The following ZNF587B variants were observed in gnomAD, a reference collection of about 807,000 sequenced individuals.
ZNF587B encodes the protein zinc finger protein 587B.
A neutral mutation model predicts 7.2 loss-of-function variants in ZNF587B; 6 were observed. That is an observed-to-expected ratio of 0.83 (90% CI 0.46 to 1.65). The LOEUF (loss-of-function observed/expected upper bound fraction) is 1.65, where lower values mean the gene tolerates loss of function less well. Ranked by LOEUF, ZNF587B falls within the 40% of genes most tolerant of loss-of-function variation. The pLI is 0.01. For missense variants in ZNF587B, 749 were observed against 761.0 expected (o/e 0.98, Z 0.19); for synonymous variants, 274 against 254.3 (o/e 1.08, Z -0.74).
At position 57,843,587 on chromosome 19, in the gene ZNF587B, G is replaced by GTTTTTTTTTTTTTTTTTTTTTTTTTTT. The variant is rs1324065807; in HGVS notation, c.*1013_*1014insTTTTTTTTTTTTTTTTTTTTTTTTTTT. ...GTTTGGTTGGTTGGTTGGTTGGTTG[G>GTTTTTTTTTTTTTTTTTTTTTTTTTTT]TTGTTTTTTTTTGTTTTTTTTTTTT... is the stretch of plus-strand genomic sequence containing the variant. On this transcript the variant is annotated 3_prime_UTR_variant, in exon 3 of 3. Transcript: ENST00000594901. The GTTTTTTTTTTTTTTTTTTTTTTTTTTT allele has an allele frequency of 5.0e-5, 37 of 738,174 alleles. 2 individuals are homozygous for GTTTTTTTTTTTTTTTTTTTTTTTTTTT. The highest frequency in any genetic ancestry group is 1.7e-4 in the Admixed American group (2 of 11,534). The allele number at this position is 738,174 out of a possible 1,614,324, so 45.7% of individuals were successfully genotyped here.
In ZNF587B at chr19:57,839,045, T is replaced by C. The variant is rs550387438; in HGVS notation, c.59T>C (p.Val20Ala). ...CAGGGCACAGTGACTTTTGAAGACGTGGCTGTGAAATTTACCCAGGAGGAA... is the reference window on the plus strand; with the variant it reads ...CAGGGCACAGTGACTTTTGAAGACGCGGCTGTGAAATTTACCCAGGAGGAA... Reference protein sequence around the residue: ...SAQGTVTFEDVAVKFTQEEWN... With the variant: ...SAQGTVTFEDAAVKFTQEEWN... Residue 20 changes from valine to alanine, a missense_variant, in exon 2 of 3, where the codon GTG becomes GCG. Val to Ala is a moderately conservative substitution (Grantham distance 64). Coordinates refer to ENST00000594901, the MANE Select transcript of ZNF587B (RefSeq NM_001376223.1). 6 of 1,614,142 alleles carry C rather than the reference T, an allele frequency of 3.7e-6. No homozygotes were observed. The highest frequency in any genetic ancestry group is 5.1e-6 in the Non-Finnish European group (6 of 1,180,008).
intron 1 of ZNF587B, among the ~76,000 whole-genome samples, chr19:57,837,202 C>T (rs35805032): frequency 0.14 from 21,448 of 152,040 alleles, 1,707 homozygotes; most frequent in East Asian, 0.19. Context: ...ATCCAACCCC[C>T]ATGTGGCTCT....
chr19:57,836,837 T>C (rs1023497654), intron 1 of ZNF587B, among the ~76,000 whole-genome samples: 2 of 151,544 alleles, frequency 1.3e-5, no homozygotes, highest in African/African-American at 4.9e-5. Flanking sequence ...GGTGGTACAC[T>C]CATGTAATCC....
rs560139358 is a variant in ZNF587B, at chr19:57,841,298, G to T, written c.624G>T (p.Gln208His). The T allele has an allele frequency of 6.2e-7, 1 of 1,613,896 alleles. No homozygotes were observed. Among genetic ancestry groups the T allele is most frequent in the Non-Finnish European group, 8.5e-7 (1 of 1,179,904 alleles). The stretch of plus-strand genomic sequence containing the variant: ...AAACTGAGTGTGTGTCTCCCTTTCA[G>T]TGTGGGGGAGCTCACTATAGCCATG... Reference protein sequence around the residue: ...NSKTECVSPFQCGGAHYSHGD... With the variant: ...NSKTECVSPFHCGGAHYSHGD... Residue 208 changes from glutamine (Q) to histidine (H), a missense_variant, in exon 3 of 3, where the codon CAG (glutamine) becomes CAT (histidine). Coordinates refer to ENST00000594901, the MANE Select transcript of ZNF587B (RefSeq NM_001376223.1).
chr19:57,830,375 G>T lies in ZNF587B; in HGVS notation c.-154G>T. On this transcript the variant is annotated 5_prime_UTR_variant, in exon 1 of 3. Coordinates refer to ENST00000594901, the MANE Select transcript of ZNF587B (RefSeq NM_001376223.1). Reference sequence around the variant, plus strand: ...CTGCGGTGACTGAACCCAGAAGGCGGAGAACAGTTGTCCTCTGCTGCACAG... The same window carrying T: ...CTGCGGTGACTGAACCCAGAAGGCGTAGAACAGTTGTCCTCTGCTGCACAG... 1 of 734,072 alleles carries T rather than the reference G, an allele frequency of 1.4e-6. No homozygotes were observed. The highest frequency in any genetic ancestry group is 1.8e-5 in the South Asian group (1 of 54,676). The allele number at this position is 734,072 out of a possible 1,614,324, so 45.5% of individuals were successfully genotyped here.
Position 57,842,149 on chromosome 19 carries a change from A to G in ZNF587B, c.1475A>G (p.Lys492Arg). The G allele has an allele frequency of 1.2e-6, 2 of 1,612,746 alleles. No individual in the cohort carries two copies. The highest frequency in any genetic ancestry group is 1.7e-6 in the Non-Finnish European group (2 of 1,179,370). Residue 492 changes from lysine to arginine, a missense_variant, in exon 3 of 3, where the codon AAG becomes AGG. Physicochemically the swap from Lys to Arg is conservative, Grantham distance 26 (BLOSUM62 2). Around this residue, in one of 3 missense-constraint regions of ZNF587B, gnomAD observed 656 missense variants for 596.5 expected, o/e 1.10. Transcript: ENST00000594901. The part of the protein sequence containing the change: ...LVHQRIHSGE[K>R]PYACEACQKF... Reference sequence around the variant, plus strand: ...CACCAGAGAATTCACAGTGGAGAGAAGCCATATGCTTGTGAGGCTTGTCAG... The same window carrying G: ...CACCAGAGAATTCACAGTGGAGAGAGGCCATATGCTTGTGAGGCTTGTCAG...
Position 57,841,613 on chromosome 19 carries a change from T to G in ZNF587B, c.939T>G (p.Leu313=), listed in dbSNP as rs758356624. 1.9e-6 allele frequency: 3 copies of G among 1,585,382 alleles called. No homozygotes were observed. Among genetic ancestry groups the G allele is most frequent in the African/African-American group, 1.4e-5 (1 of 74,030 alleles). ...CGKYFSLEGY[L]RRHQKVHAGK... The stretch of plus-strand genomic sequence containing the variant: ...AATATTTTAGCTTAGAAGGATATCT[T>G]AGGCGCCATCAAAAAGTTCACGCTG... The change falls in exon 3 of 3, where the codon CTT becomes CTG. Residue 313 remains leucine, a synonymous_variant. Transcript: ENST00000594901.
chr19:57,834,869 G>C (rs1200472084), intron 1 of ZNF587B, among the ~76,000 whole-genome samples: 2 of 134,076 alleles, frequency 1.5e-5, no homozygotes, highest in South Asian at 4.9e-4. Context: ...AAAAAAAAAG[G>C]TGTTCTGTTA....
In ZNF587B at chr19:57,843,528, C is replaced by G; in HGVS notation, c.*952C>G. ...TTCTAGAAGTATATTTTGGTTGTCT[C>G]CCATTCACGAGAGATTTTTTTTTTA... On this transcript the variant is annotated 3_prime_UTR_variant, in exon 3 of 3. Transcript: ENST00000594901. 1 of 983,832 alleles carries G rather than the reference C, an allele frequency of 1.0e-6. No individual in the cohort carries two copies. Among genetic ancestry groups the G allele is most frequent in the Non-Finnish European group, 1.2e-6 (1 of 829,756 alleles). The allele number at this position is 983,832 out of a possible 1,614,324, so 60.9% of individuals were successfully genotyped here. A position where few individuals can be genotyped will look rare whatever the true frequency, so the allele number is the denominator to read the frequency against.
rs1214212815 is a variant in ZNF587B, at chr19:57,830,564, G to A, written c.36G>A (p.Gln12=). 1 of 1,550,268 alleles carries A rather than the reference G, an allele frequency of 6.5e-7. No individual in the cohort carries two copies. The highest frequency in any genetic ancestry group is 1.2e-5 in the South Asian group (1 of 84,114). Residue 12 remains glutamine (Q), a splice_region_variant and synonymous_variant, in exon 1 of 3, where the codon CAG becomes CAA. Coordinates refer to ENST00000594901, the MANE Select transcript of ZNF587B (RefSeq NM_001376223.1). The part of the protein sequence containing the change: ...AVVATLRLSA[Q]GTVTFEDVAV... ...TGGCCACGCTGAGGCTCTCTGCTCAGGTAATTGTGGTGCCTTCCATGCCCT... is the reference window on the plus strand; with the variant it reads ...TGGCCACGCTGAGGCTCTCTGCTCAAGTAATTGTGGTGCCTTCCATGCCCT...
At position 57,841,348 on chromosome 19, in the gene ZNF587B, C is replaced by G. The variant is rs772829799; in HGVS notation, c.674C>G (p.Thr225Ser). 2 of 1,603,186 alleles carry G rather than the reference C, an allele frequency of 1.2e-6. No individual in the cohort carries two copies. The highest frequency in any genetic ancestry group is 2.2e-5 in the East Asian group (1 of 44,656). ...GGAGATTCCATGAAACATTTTAGCA[C>G]CAAACATATACTCAGTCAGCACCAG... ...SHGDSMKHFSTKHILSQHQRL... is the reference protein window; with the variant it reads ...SHGDSMKHFSSKHILSQHQRL... The change falls in exon 3 of 3, where the codon ACC becomes AGC. Residue 225 changes from threonine to serine, a missense_variant. Physicochemically the swap from Thr to Ser is moderately conservative, Grantham distance 58. Coordinates refer to ENST00000594901, the MANE Select transcript of ZNF587B (RefSeq NM_001376223.1).
chr19:57,841,675 CTT>C lies in ZNF587B; in HGVS notation c.1004_1005del (p.Phe335Ter). 2 of 1,605,312 alleles carry C rather than the reference CTT, an allele frequency of 1.2e-6. No homozygotes were observed. Among genetic ancestry groups the C allele is most frequent in the Non-Finnish European group, 1.7e-6 (2 of 1,175,964 alleles). ...TATGAGTGTGGAGAATGTGGGAAAT[CTT>C]TTAGTTCAAACGTGAACCTTAAGAG... On this transcript the variant is annotated frameshift_variant, in exon 3 of 3. Coordinates refer to ENST00000594901, the MANE Select transcript of ZNF587B (RefSeq NM_001376223.1). LOFTEE classifies it low-confidence loss of function (END_TRUNC).
At chr19:57,839,961 C>A (rs1232978580) in intron 2 of ZNF587B, among the ~76,000 whole-genome samples, 1 of 151,830 alleles carries the variant, frequency 6.6e-6, no homozygotes, top group Admixed American at 6.6e-5. Flanking sequence ...TGCCTGTAGT[C>A]CCAGCGACTC....
chr19:57,843,455 C>G lies in ZNF587B; in HGVS notation c.*879C>G, dbSNP rs1413968241. ...ACTTATCTGGCAAAAGCCATTACATCTCAGCTACTTGGTAGGTACCCACAT... is the reference window on the plus strand; with the variant it reads ...ACTTATCTGGCAAAAGCCATTACATGTCAGCTACTTGGTAGGTACCCACAT... On this transcript the variant is annotated 3_prime_UTR_variant, in exon 3 of 3. Coordinates refer to ENST00000594901, the MANE Select transcript of ZNF587B (RefSeq NM_001376223.1). 1.0e-6 allele frequency: 1 copy of G among 985,258 alleles called. No homozygotes were observed. Among genetic ancestry groups the G allele is most frequent in the African/African-American group, 1.7e-5 (1 of 57,220 alleles). 61.0% of individuals were successfully genotyped at this position (985,258 alleles called of 1,614,324 possible).
At chr19:57,832,282 C>T (rs557431342) in intron 1 of ZNF587B, among the ~76,000 whole-genome samples, 1 of 152,026 alleles carries the variant, frequency 6.6e-6, no homozygotes, top group African/African-American at 2.4e-5. Flanking sequence ...AGACGGGGTT[C>T]CGCCATGTTG....
intron 2 of ZNF587B, among the ~76,000 whole-genome samples, chr19:57,840,333 T>C (rs1038560294): frequency 1.3e-5 from 2 of 152,084 alleles, no homozygotes; most frequent in Non-Finnish European, 2.9e-5. Flanking sequence ...TACCCTAATA[T>C]CCATTCTCCT....
intron 1 of ZNF587B, among the ~76,000 whole-genome samples, chr19:57,831,301 A>G (rs577498914): frequency 6.6e-6 from 1 of 152,296 alleles, no homozygotes; most frequent in Non-Finnish European, 1.5e-5. Context: ...GTTAGTAAAA[A>G]CAAGGTTGGG....
In ZNF587B at chr19:57,843,874, A is replaced by G. The variant is rs1156714754; in HGVS notation, c.*1298A>G. On this transcript the variant is annotated 3_prime_UTR_variant, in exon 3 of 3. Transcript: ENST00000594901. ...CTTGGCCTCCCAAAGTGCTGGGATT[A>G]CAGTGTGAGCCTCTGCTTCTGGCCT... Among the ~76,000 whole-genome samples, 3 of 152,046 alleles carry G rather than the reference A, an allele frequency of 2.0e-5. No individual in the cohort carries two copies. Among genetic ancestry groups the G allele is most frequent in the African/African-American group, 7.2e-5 (3 of 41,412 alleles).
In ZNF587B at chr19:57,841,489, G is replaced by C; in HGVS notation, c.815G>C (p.Cys272Ser). The C allele has an allele frequency of 6.3e-7, 1 of 1,585,686 alleles. No individual in the cohort carries two copies. The highest frequency in any genetic ancestry group is 8.6e-7 in the Non-Finnish European group (1 of 1,165,224). ...CACAGTGGAAAAAGACCTTATGAAT[G>C]TGGAGAATGTGAGAAATCTTTTAGT... is the stretch of plus-strand genomic sequence containing the variant. ...RVHSGKRPYE[C>S]GECEKSFSQK... Residue 272 changes from cysteine to serine, a missense_variant, in exon 3 of 3, where the codon TGT (cysteine) becomes TCT (serine). Around this residue, in one of 3 missense-constraint regions of ZNF587B, gnomAD observed 656 missense variants for 596.5 expected, o/e 1.10. Transcript: ENST00000594901.
Sources: allele counts gnomAD v4.1 joint callset (sites outside exome capture counted in the v4.1 genomes callset), GRCh38; gene constraint gnomAD v4.1.1; regional missense constraint gnomAD v4.1.1; transcripts MANE v1.5; gene names NCBI Gene and HGNC (gene_info 2026-07-23, HGNC 2026-07-21).